The following RICTOR variants were observed in gnomAD, a reference collection of about 807,000 sequenced individuals.
RICTOR encodes the protein RPTOR independent companion of MTOR complex 2.
RICTOR carries 49 observed loss-of-function variants against 214.9 expected under a neutral mutation model. That is an observed-to-expected ratio of 0.23 (90% confidence interval 0.18 to 0.29). The LOEUF (loss-of-function observed/expected upper bound fraction) is 0.29. Among genes scored for constraint, RICTOR ranks in the 10% least tolerant of loss-of-function variants. The probability of loss-of-function intolerance (pLI) is 1.00; values close to 1 mark genes in which losing one functional copy is unlikely to be tolerated. For synonymous variants in RICTOR, 717 were observed against 711.3 expected, an observed-to-expected ratio of 1.01 and a Z score of -0.13; for missense variants, 1,625 against 2,047.0, an observed-to-expected ratio of 0.79 and a Z score of 3.98.
In RICTOR at chr5:38,975,652, T is replaced by C. The variant is rs938505574; in HGVS notation, c.822-48A>G. Reference sequence around the variant, plus strand: ...GGGGAGAATCAATGAAATAAAATGTTAAAATGAGTTTTTTCCTGCTACTAA... The same window carrying C: ...GGGGAGAATCAATGAAATAAAATGTCAAAATGAGTTTTTTCCTGCTACTAA... On this transcript the variant is annotated intron_variant, in intron 9 of 37. Coordinates refer to ENST00000357387, the MANE Select transcript of RICTOR (RefSeq NM_152756.5). 3 of 1,435,392 alleles carry C rather than the reference T, an allele frequency of 2.1e-6. No individual in the cohort carries two copies. In the African/African-American group the frequency reaches 4.2e-5, roughly 20 times the overall value. 88.9% of individuals were successfully genotyped at this position (1,435,392 alleles called of 1,614,324 possible). A position where few individuals can be genotyped will look rare whatever the true frequency, so the allele number is the denominator to read the frequency against.
In RICTOR at chr5:38,941,322, A is replaced by C. The variant is rs558753684; in HGVS notation, c.*982T>G. ...ATTTTTCTCAATAACAAGCTTTATT[A>C]ATGTTTTTTTTAAGGAAATATGGCT... On this transcript the variant is annotated 3_prime_UTR_variant, in exon 38 of 38. Coordinates refer to ENST00000357387, the MANE Select transcript of RICTOR (RefSeq NM_152756.5). 4.8e-6 allele frequency: 1 copy of C among 207,674 alleles called. No homozygotes were observed. The highest frequency in any genetic ancestry group is 9.5e-6 in the Non-Finnish European group (1 of 105,362). The allele number at this position is 207,674 out of a possible 1,614,324, so 12.9% of individuals were successfully genotyped here.
chr5:38,982,860 T>C (rs1751836152), intron 7 of RICTOR, among the ~76,000 whole-genome samples: 1 of 151,922 alleles, frequency 6.6e-6, no homozygotes, highest in Admixed American at 6.6e-5. Flanking sequence ...ATAAATATAT[T>C]CTCTTTCAAA....
chr5:38,971,067 G>A (rs969742362), intron 11 of RICTOR: 1 of 152,462 alleles, frequency 6.6e-6, no homozygotes, highest in Admixed American at 6.5e-5. Flanking sequence ...GAGTGCAATG[G>A]TGCGATCTTG....
chr5:39,067,277 T>C lies in RICTOR; in HGVS notation c.97+6834A>G, dbSNP rs80232075. On this transcript the variant is annotated intron_variant, in intron 2 of 37. Coordinates refer to ENST00000357387, the MANE Select transcript of RICTOR (RefSeq NM_152756.5). ...GGAGTAGGCATCTCACATGGCAAAG[T>C]AGGAGTGAGAAAGAGTAAGAGGGTA... Among the ~76,000 whole-genome samples the C allele has an allele frequency of 3.9e-5, 6 of 152,236 alleles. No homozygotes were observed. The East Asian group carries it at 9.7e-4, about 25-fold the overall frequency.
chr5:38,974,436 C>T (rs1444775284), intron 10 of RICTOR, among the ~76,000 whole-genome samples: 2 of 151,988 alleles, frequency 1.3e-5, no homozygotes, highest in African/African-American at 4.8e-5. Context: ...CAGAAACAGA[C>T]ATCATTACAG....
rs892142775 is a variant in RICTOR at position 38,968,825 on chromosome 5, TGTATACTGCCCCTGGAGACATTCCA to T, written c.973-820_973-796del. 1.2e-4 allele frequency among the ~76,000 whole-genome samples: 18 copies of T among 151,838 alleles called. No homozygotes were observed. In the East Asian group the frequency reaches 1.7e-3, roughly 15 times the overall value. On this transcript the variant is annotated intron_variant, in intron 11 of 37. Transcript: ENST00000357387. The stretch of plus-strand genomic sequence containing the variant: ...GGTTATCACATGACAGCTTCATTCA[TGTATACTGCCCCTGGAGACATTCCA>T]GTATACTGCCCCTGGAGACATTCCA...
At chr5:38,977,122 G>A (rs1751302772) in intron 9 of RICTOR, among the ~76,000 whole-genome samples, 1 of 152,226 alleles carries the variant, frequency 6.6e-6, no homozygotes, top group Non-Finnish European at 1.5e-5. Context: ...AGAAGACCAT[G>A]TGCTGAGGAA....
At chr5:39,013,735 T>C (rs1310430455) in intron 3 of RICTOR, among the ~76,000 whole-genome samples, 2 of 151,980 alleles carry the variant, frequency 1.3e-5, no homozygotes, top group African/African-American at 2.4e-5. Context: ...ACAAAAAAAG[T>C]AGATTGACAT....
intron 5 of RICTOR, among the ~76,000 whole-genome samples, chr5:38,999,094 T>C (rs909593026): frequency 1.4e-5 from 2 of 139,528 alleles, no homozygotes; most frequent in Non-Finnish European, 3.1e-5. Flanking sequence ...AAATTAAGAA[T>C]TCATGAGAGT....
In RICTOR at chr5:38,959,773, G is replaced by A. The variant is rs759338841; in HGVS notation, c.2051+6C>T. ...ATATATTGCAACAAAATCTGGGAAT[G>A]CTCACCACTGAAATACACTGCATTT... On this transcript the variant is annotated splice_donor_region_variant and intron_variant, in intron 21 of 37. Transcript: ENST00000357387. 1 of 1,597,470 alleles carries A rather than the reference G, an allele frequency of 6.3e-7. No homozygotes were observed. The highest frequency in any genetic ancestry group is 1.1e-5 in the South Asian group (1 of 90,692).
At chr5:38,960,573 A>G (rs749253304) in intron 19 of RICTOR, 40 bp from the exon 20 acceptor site, 4 of 1,595,140 alleles carry the variant, frequency 2.5e-6, no homozygotes, top group East Asian at 2.2e-5. Flanking sequence ...TAAGAAATGA[A>G]GCAATTATTT....
chr5:39,012,284 C>G (rs915122391), intron 3 of RICTOR, among the ~76,000 whole-genome samples: 19 of 152,182 alleles, frequency 1.2e-4, no homozygotes, highest in African/African-American at 4.3e-4. Context: ...TCACTCAACA[C>G]TCATTTATCT....
intron 27 of RICTOR, 36 bp from the exon 28 acceptor site, chr5:38,953,589 A>G (rs1356976910): frequency 3.0e-6 from 2 of 675,216 alleles, no homozygotes; most frequent in East Asian, 3.2e-5. Context: ...GAGTAATAAT[A>G]TATTTATGTA....
intron 25 of RICTOR, 83 bp downstream of exon 25, chr5:38,957,569 T>TA (rs905699649): frequency 3.2e-5 from 25 of 787,952 alleles, no homozygotes; most frequent in Admixed American, 7.1e-5. Context: ...AACACTGATA[T>TA]AAAAAAACCA....
At chr5:38,951,946 G>C (rs985875832) in intron 30 of RICTOR, among the ~76,000 whole-genome samples, 2 of 151,790 alleles carry the variant, frequency 1.3e-5, no homozygotes, top group African/African-American at 4.8e-5. Flanking sequence ...GGTTCTTCTG[G>C]CACATGGCTT....
At chr5:39,018,516 T>TC (rs1322902323) in intron 3 of RICTOR, among the ~76,000 whole-genome samples, 8 of 152,292 alleles carry the variant, frequency 5.3e-5, no homozygotes, top group Non-Finnish European at 1.2e-4. Flanking sequence ...TGCATGTCTG[T>TC]CACATTTTGG....
intron 3 of RICTOR, 21 bp from the exon 4 acceptor site, chr5:39,003,643 G>T: frequency 1.3e-6 from 2 of 1,539,746 alleles, no homozygotes; most frequent in Non-Finnish European, 1.8e-6. Flanking sequence ...AACAAAATAA[G>T]TGTGCATTTA....
rs563734420 is a variant in RICTOR at position 39,066,512 on chromosome 5, T to C, written c.97+7599A>G. ...TAATTATGCAAATATCTCTAGCACG[T>C]GGTTGCTCTATAGCCTGCTTGAATT... On this transcript the variant is annotated intron_variant, in intron 2 of 37. Transcript: ENST00000357387. Among the ~76,000 whole-genome samples, 143 of 152,386 alleles carry C rather than the reference T, an allele frequency of 9.4e-4. 1 individual carries two copies. The highest frequency in any genetic ancestry group is 1.6e-3 in the Non-Finnish European group (112 of 68,042).
chr5:39,062,795 GAA>G (rs1235989896), intron 2 of RICTOR, among the ~76,000 whole-genome samples: 1 of 152,058 alleles, frequency 6.6e-6, no homozygotes, highest in Non-Finnish European at 1.5e-5. Context: ...TAAAATCCCT[GAA>G]GTCTTGTTTT....
Sources: allele counts gnomAD v4.1 joint callset (sites outside exome capture counted in the v4.1 genomes callset), GRCh38; gene constraint gnomAD v4.1.1; transcripts MANE v1.5; gene names NCBI Gene and HGNC (gene_info 2026-07-23, HGNC 2026-07-21).